Variants in TRAPPC6A observed in about 807,000 individuals in gnomAD.
TRAPPC6A encodes trafficking protein particle complex subunit 6A, also known as TRAPP complex subunit 6A.
A neutral mutation model predicts 20.8 loss-of-function variants in TRAPPC6A; 25 were observed. That is an observed-to-expected ratio of 1.20 (90% CI 0.88 to 1.68). The LOEUF is 1.68. TRAPPC6A is among the 40% of genes most tolerant of loss of function. The pLI is 0.00. For synonymous variants in TRAPPC6A, 96 were observed against 93.3 expected, an observed-to-expected ratio of 1.03 and a Z score of -0.16; for missense variants, 215 against 211.6, an observed-to-expected ratio of 1.02 and a Z score of -0.10.
Position 45,178,117 on chromosome 19 carries a change from AC to A in TRAPPC6A, c.84+17del. 1 of 1,612,930 alleles carries A rather than the reference AC, an allele frequency of 6.2e-7. No individual in the cohort carries two copies. Among genetic ancestry groups the A allele is most frequent in the Non-Finnish European group, 8.5e-7 (1 of 1,179,430 alleles). ...CCTTGGTGGCCCCCGCTTCCTCCCC[AC>A]GGAGCCCGGCGCTCACCCCCGGGCC... On this transcript the variant is annotated intron_variant, in intron 1 of 5. Transcript: ENST00000585934.
chr19:45,167,763 G>A (rs1438958038), intron 1 of TRAPPC6A, among the ~76,000 whole-genome samples: 2 of 152,344 alleles, frequency 1.3e-5, no homozygotes, highest in East Asian at 1.9e-4. Flanking sequence ...GATTACAGGC[G>A]TGGGCCATCG....
In TRAPPC6A at chr19:45,178,168, C is replaced by T. The variant is rs1326686060; in HGVS notation, c.51G>A (p.Glu17=). Residue 17 remains glutamate, a synonymous_variant, in exon 1 of 6, where the codon GAG becomes GAA. Coordinates refer to ENST00000585934, the MANE Select transcript of TRAPPC6A (RefSeq NM_001270891.2). ...FEFLHTEMVA[E]LWAHDPDPGP... ...CGGGGTCGGGGTCGTGAGCCCACAG[C>T]TCAGCCACCATCTCCGTGTGAAGAA... 6.2e-7 allele frequency: 1 copy of T among 1,612,934 alleles called. No individual in the cohort carries two copies. The highest frequency in any genetic ancestry group is 2.2e-5 in the East Asian group (1 of 44,790).
intron 3 of TRAPPC6A, 139 bp downstream of exon 3, chr19:45,164,714 G>C (rs888432747): frequency 2.5e-6 from 2 of 785,976 alleles, no homozygotes; most frequent in Admixed American, 1.9e-5. Flanking sequence ...GGATCAGACA[G>C]AGCAAGAGCT....
At chr19:45,177,168 G>A (rs957066361) in intron 1 of TRAPPC6A, among the ~76,000 whole-genome samples, 3 of 149,340 alleles carry the variant, frequency 2.0e-5, no homozygotes, top group African/African-American at 7.5e-5. Context: ...CAGCCTGGGC[G>A]ACCGAGCAGG....
Position 45,163,298 on chromosome 19 carries a change from C to T in TRAPPC6A, c.449-75G>A, listed in dbSNP as rs953070673. 3.7e-5 allele frequency: 56 copies of T among 1,533,412 alleles called. No homozygotes were observed. Among genetic ancestry groups the T allele is most frequent in the Non-Finnish European group, 4.9e-5 (55 of 1,113,078 alleles). The allele number at this position is 1,533,412 out of a possible 1,614,324, so 95.0% of individuals were successfully genotyped here. ...AGGGCACCTGGACGGCTCTTAGGCG[C>T]TCACCCCCGTCCTGCACTGACACCC... On this transcript the variant is annotated intron_variant, in intron 5 of 5. Transcript: ENST00000585934. This position sits in a 1 kb window ranked among gnomAD's most constrained non-coding sequence, Gnocchi z 5.3.
chr19:45,172,900 C>T lies in TRAPPC6A; in HGVS notation c.84+5235G>A, dbSNP rs563226493. ...GCTCCCACTGCCTTCGGGATGGAGC[C>T]CCAGTTCCCAGGAGGGCCTCGCTGG... On this transcript the variant is annotated intron_variant, in intron 1 of 5. Transcript: ENST00000585934. This position sits in a 1 kb window ranked among gnomAD's most constrained non-coding sequence, Gnocchi z 4.2. 1.3e-5 allele frequency among the ~76,000 whole-genome samples: 2 copies of T among 151,844 alleles called. No homozygotes were observed. Among genetic ancestry groups the T allele is most frequent in the South Asian group, 2.1e-4 (1 of 4,832 alleles).
In TRAPPC6A at chr19:45,164,784, G is replaced by T. The variant is rs1268778674; in HGVS notation, c.270+69C>A. 9 of 1,449,638 alleles carry T rather than the reference G, an allele frequency of 6.2e-6. No homozygotes were observed. The African/African-American group carries it at 1.1e-4, about 18-fold the overall frequency. 89.8% of individuals were successfully genotyped at this position (1,449,638 alleles called of 1,614,324 possible). The stretch of plus-strand genomic sequence containing the variant: ...GGCAGCCGCTGCTCTGGCGCCGGGG[G>T]ATTCCCCTCCCACTCTCTTGGTCTT... On this transcript the variant is annotated intron_variant, in intron 3 of 5. Coordinates refer to ENST00000585934, the MANE Select transcript of TRAPPC6A (RefSeq NM_001270891.2).
Position 45,163,669 on chromosome 19 carries a change from C to G in TRAPPC6A, c.448+247G>C, listed in dbSNP as rs1969065153. 6.6e-6 allele frequency among the ~76,000 whole-genome samples: 1 copy of G among 152,166 alleles called. No homozygotes were observed. Among genetic ancestry groups the G allele is most frequent in the African/African-American group, 2.4e-5 (1 of 41,446 alleles). ...CCCATCGAAGGATCAGTGAGGATAA[C>G]TTCTATTGCGTCCACCTCGGCTCCC... is the stretch of plus-strand genomic sequence containing the variant. On this transcript the variant is annotated intron_variant, in intron 5 of 5. Coordinates refer to ENST00000585934, the MANE Select transcript of TRAPPC6A (RefSeq NM_001270891.2). The surrounding 1 kb of genome is among the most constrained non-coding windows in gnomAD (Gnocchi z 5.3).
chr19:45,163,886 A>T lies in TRAPPC6A; in HGVS notation c.448+30T>A. 1 of 1,496,762 alleles carries T rather than the reference A, an allele frequency of 6.7e-7. No homozygotes were observed. The highest frequency in any genetic ancestry group is 9.1e-7 in the Non-Finnish European group (1 of 1,095,262). The allele number at this position is 1,496,762 out of a possible 1,614,324, so 92.7% of individuals were successfully genotyped here. On this transcript the variant is annotated intron_variant, in intron 5 of 5. Coordinates refer to ENST00000585934, the MANE Select transcript of TRAPPC6A (RefSeq NM_001270891.2). This position sits in a 1 kb window ranked among gnomAD's most constrained non-coding sequence, Gnocchi z 5.3. Reference sequence around the variant, plus strand: ...GAAGCCCCCAGCAACTCAAGGGATGAGAAGAATCCCCCCACCCCCCATGAC... The same window carrying T: ...GAAGCCCCCAGCAACTCAAGGGATGTGAAGAATCCCCCCACCCCCCATGAC...
intron 1 of TRAPPC6A, among the ~76,000 whole-genome samples, chr19:45,166,802 G>A (rs959108103): frequency 6.6e-6 from 1 of 152,074 alleles, no homozygotes; most frequent in Non-Finnish European, 1.5e-5. Flanking sequence ...CTTGGGAATG[G>A]CAGCTACCGC....
intron 1 of TRAPPC6A, among the ~76,000 whole-genome samples, chr19:45,176,648 C>T (rs60509946): frequency 0.012 from 1,752 of 152,172 alleles, 35 homozygotes; most frequent in African/African-American, 0.041. Flanking sequence ...ATGTTTTAAA[C>T]TTATGACAGG....
intron 1 of TRAPPC6A, among the ~76,000 whole-genome samples, chr19:45,167,813 A>G (rs1288710994): frequency 2.6e-5 from 4 of 151,854 alleles, no homozygotes; most frequent in Non-Finnish European, 5.9e-5. Context: ...AGCCTGGTCG[A>G]CATGGCGAAA....
rs555939194 is a variant in TRAPPC6A at position 45,167,810 on chromosome 19, T to C, written c.85-2616A>G. On this transcript the variant is annotated intron_variant, in intron 1 of 5. Transcript: ENST00000585934. ...GTCCAGGAGTTCGAGTCCAGCCTGG[T>C]CGACATGGCGAAACCCCTTCTCTAC... is the stretch of plus-strand genomic sequence containing the variant. Among the ~76,000 whole-genome samples, 9 of 151,694 alleles carry C rather than the reference T, an allele frequency of 5.9e-5. No individual in the cohort carries two copies. The East Asian group carries it at 1.8e-3, about 30-fold the overall frequency.
Position 45,163,036 on chromosome 19 carries a change from T to C in TRAPPC6A, c.*156A>G. The stretch of plus-strand genomic sequence containing the variant: ...GCAGCTGGGACCCCTTTGCCTCCTC[T>C]GACACCCCCACCTCAATTTGATACC... On this transcript the variant is annotated 3_prime_UTR_variant, in exon 6 of 6. Coordinates refer to ENST00000585934, the MANE Select transcript of TRAPPC6A (RefSeq NM_001270891.2). The surrounding 1 kb of genome is among the most constrained non-coding windows in gnomAD (Gnocchi z 5.3). 1.2e-6 allele frequency: 1 copy of C among 833,680 alleles called. No individual in the cohort carries two copies. Among genetic ancestry groups the C allele is most frequent in the Non-Finnish European group, 1.8e-6 (1 of 542,984 alleles). The allele number at this position is 833,680 out of a possible 1,614,324, so 51.6% of individuals were successfully genotyped here.
chr19:45,168,144 A>T (rs1232316527), intron 1 of TRAPPC6A, among the ~76,000 whole-genome samples: 2 of 151,618 alleles, frequency 1.3e-5, no homozygotes, highest in South Asian at 2.1e-4. Flanking sequence ...CTGGCACTAT[A>T]GGCACCCGCC....
At chr19:45,165,048 A>G in intron 2 of TRAPPC6A, 78 bp from the exon 3 acceptor site, 2 of 1,609,138 alleles carry the variant, frequency 1.2e-6, no homozygotes, top group Non-Finnish European at 1.7e-6. Flanking sequence ...TCCTGCATGG[A>G]GCAATGCAAC....
At position 45,164,948 on chromosome 19, in the gene TRAPPC6A, A is replaced by G; in HGVS notation, c.175T>C (p.Phe59Leu). Residue 59 changes from phenylalanine (F) to leucine (L), a missense_variant, in exon 3 of 6, where the codon TTC becomes CTC. Phe to Leu is a conservative substitution (Grantham distance 22). Coordinates refer to ENST00000585934, the MANE Select transcript of TRAPPC6A (RefSeq NM_001270891.2). ...TTGAGGACATCCAGCTCCTCCCTGA[A>G]GGCCAGCGTCTCCCGGGGCAGCCTG... ...GERLPRETLA[F>L]REELDVLKFL... 1 of 1,614,146 alleles carries G rather than the reference A, an allele frequency of 6.2e-7. No individual in the cohort carries two copies. The highest frequency in any genetic ancestry group is 8.5e-7 in the Non-Finnish European group (1 of 1,179,988).
chr19:45,176,745 C>T (rs910870771), intron 1 of TRAPPC6A, among the ~76,000 whole-genome samples: 1 of 151,978 alleles, frequency 6.6e-6, no homozygotes, highest in African/African-American at 2.4e-5. Flanking sequence ...ATAAAAATGT[C>T]TTACATGGCC....
rs533906665 is a variant in TRAPPC6A, at chr19:45,177,427, G to T, written c.84+708C>A. The stretch of plus-strand genomic sequence containing the variant: ...ACAATCTTGGCTCACTGCAACCTCC[G>T]CCTCCCAGGTTCAAGCCATTCTCCT... On this transcript the variant is annotated intron_variant, in intron 1 of 5. Coordinates refer to ENST00000585934, the MANE Select transcript of TRAPPC6A (RefSeq NM_001270891.2). 2.0e-4 allele frequency among the ~76,000 whole-genome samples: 31 copies of T among 151,594 alleles called. No individual in the cohort carries two copies. In the East Asian group the frequency reaches 5.0e-3, roughly 25 times the overall value.
Sources: allele counts gnomAD v4.1 joint callset (sites outside exome capture counted in the v4.1 genomes callset), GRCh38; gene constraint gnomAD v4.1.1; non-coding constraint Gnocchi (gnomAD v3.1); transcripts MANE v1.5; gene names NCBI Gene and HGNC (gene_info 2026-07-23, HGNC 2026-07-21).